ELFN1: variants seen among roughly 807,000 people sequenced by gnomAD.
The protein encoded by ELFN1 is extracellular leucine rich repeat and fibronectin type III domain containing 1, also known as protein ELFN1.
A neutral mutation model predicts 7.6 loss-of-function variants in ELFN1; 6 were observed. The ratio of observed to expected loss-of-function variants is 0.79; its 90% CI spans 0.43 to 1.56. The LOEUF is 1.56. Among genes scored for constraint, ELFN1 ranks in the 40% most tolerant of loss-of-function variants. The probability of loss-of-function intolerance (pLI) is 0.01; values close to 1 mark genes in which losing one functional copy is unlikely to be tolerated. For synonymous variants in ELFN1, 657 were observed against 588.1 expected (o/e 1.12, Z -1.70); for missense variants, 1,169 against 1,232.2 (o/e 0.95, Z 0.77).
intron 3 of ELFN1, among the ~76,000 whole-genome samples, chr7:1,719,143 CCACCAA>C (rs1452329269): frequency 2.9e-4 from 41 of 142,228 alleles, no homozygotes; most frequent in African/African-American, 1.1e-3. Context: ...AGGACCCAAG[CCACCAA>C]CAGGGCCCCG....
chr7:1,697,782 G>A (rs191531992), intron 2 of ELFN1, among the ~76,000 whole-genome samples: 1 of 152,124 alleles, frequency 6.6e-6, no homozygotes, highest in Admixed American at 6.5e-5. Flanking sequence ...TTTAAAAATT[G>A]TTTAATCGTA....
Position 1,741,133 on chromosome 7 carries a change from A to G in ELFN1, c.-293-3171A>G, listed in dbSNP as rs573849273. Among the ~76,000 whole-genome samples, 261 of 150,082 alleles carry G rather than the reference A, an allele frequency of 1.7e-3. 1 individual carries two copies. Among genetic ancestry groups the G allele is most frequent in the African/African-American group, 6.0e-3 (244 of 40,608 alleles). On this transcript the variant is annotated intron_variant, in intron 3 of 3. Transcript: ENST00000424383. ...TGACAGAGCAAGACTCTGTCTCAAA[A>G]AAAAAAAAAAAAAAAGAAGAAAGAA...
intron 3 of ELFN1, among the ~76,000 whole-genome samples, chr7:1,711,068 T>C (rs545948724): frequency 6.6e-6 from 1 of 152,210 alleles, no homozygotes; most frequent in Admixed American, 6.5e-5. Context: ...AGCCCCTACC[T>C]GGCCCTATCT....
chr7:1,733,914 T>C (rs950852912), intron 3 of ELFN1, among the ~76,000 whole-genome samples: 1 of 151,980 alleles, frequency 6.6e-6, no homozygotes, highest in Non-Finnish European at 1.5e-5. Flanking sequence ...TAGCAGGAGG[T>C]CCTGTTCTAC....
chr7:1,745,463 T>G lies in ELFN1; in HGVS notation c.867T>G (p.Cys289Trp). The change falls in exon 4 of 4, where the codon TGT (cysteine) becomes TGG (tryptophan). Residue 289 changes from cysteine (C) to tryptophan (W), a missense_variant. Cys to Trp is a radical substitution (Grantham distance 215, BLOSUM62 -2). This residue lies in a region of ELFN1 where 914 missense variants were observed against 872.6 expected (regional missense o/e 1.05). Coordinates refer to ENST00000424383, the MANE Select transcript of ELFN1 (RefSeq NM_001128636.4). ...PPPPEPSDMP[C>W]ADDECFSGDG... Reference sequence around the variant, plus strand: ...CGCCGGAGCCCAGTGACATGCCCTGTGCCGATGATGAGTGCTTCTCCGGGG... The same window carrying G: ...CGCCGGAGCCCAGTGACATGCCCTGGGCCGATGATGAGTGCTTCTCCGGGG... The G allele has an allele frequency of 6.5e-7, 1 of 1,541,542 alleles. No individual in the cohort carries two copies. Among genetic ancestry groups the G allele is most frequent in the Non-Finnish European group, 8.7e-7 (1 of 1,146,680 alleles).
chr7:1,711,585 A>C (rs1324287761), intron 3 of ELFN1, among the ~76,000 whole-genome samples: 1 of 114,218 alleles, frequency 8.8e-6, no homozygotes, highest in Non-Finnish European at 1.9e-5. Context: ...TGAGAGAGAG[A>C]GAGAGAGAGA....
chr7:1,672,713 C>G (rs1026947665), intron 1 of ELFN1, among the ~76,000 whole-genome samples: 2 of 151,994 alleles, frequency 1.3e-5, no homozygotes, highest in African/African-American at 4.8e-5. Context: ...GGTCAGAGCC[C>G]CCACCCCAGG....
chr7:1,738,168 C>A (rs921694277), intron 3 of ELFN1, among the ~76,000 whole-genome samples: 2 of 152,224 alleles, frequency 1.3e-5, no homozygotes, highest in African/African-American at 4.8e-5. Flanking sequence ...CCACCCAGAC[C>A]ACGGAGGGCG....
Position 1,745,706 on chromosome 7 carries a change from C to A in ELFN1, c.1110C>A (p.Asn370Lys). 1 of 1,551,450 alleles carries A rather than the reference C, an allele frequency of 6.4e-7. No homozygotes were observed. The highest frequency in any genetic ancestry group is 8.7e-7 in the Non-Finnish European group (1 of 1,147,008). ...TKAQEEIRLT[N>K]LFTLTNYTYC... ...CCCAGGAGGAGATCCGTCTGACCAA[C>A]CTGTTCACGCTCACCAACTACACCT... Residue 370 changes from asparagine (N) to lysine (K), a missense_variant, in exon 4 of 4, where the codon AAC becomes AAA. Coordinates refer to ENST00000424383, the MANE Select transcript of ELFN1 (RefSeq NM_001128636.4).
chr7:1,715,991 C>T (rs1017496213), intron 3 of ELFN1, among the ~76,000 whole-genome samples: 3 of 152,236 alleles, frequency 2.0e-5, no homozygotes, highest in African/African-American at 4.8e-5. Context: ...CTGTCCCAGG[C>T]CCAGGTTTAA....
intron 1 of ELFN1, among the ~76,000 whole-genome samples, chr7:1,675,365 C>G (rs1445399804): frequency 4.6e-5 from 7 of 152,234 alleles, no homozygotes; most frequent in African/African-American, 1.7e-4. Context: ...GTGCACACCC[C>G]GGCATTGCTG....
intron 1 of ELFN1, among the ~76,000 whole-genome samples, chr7:1,675,088 G>A (rs879827208): frequency 2.6e-5 from 4 of 152,196 alleles, no homozygotes; most frequent in Non-Finnish European, 5.9e-5. Context: ...ACGGGGACCC[G>A]GCAGCCCACG....
At chr7:1,688,364 G>A (rs1338029376) in intron 2 of ELFN1, among the ~76,000 whole-genome samples, 1 of 152,030 alleles carries the variant, frequency 6.6e-6, no homozygotes, top group East Asian at 1.9e-4. Context: ...TCTCCTCCAT[G>A]GTTAGCACTT....
intron 3 of ELFN1, among the ~76,000 whole-genome samples, chr7:1,737,117 C>T (rs1780470822): frequency 6.6e-6 from 1 of 152,134 alleles, no homozygotes; most frequent in African/African-American, 2.4e-5. Flanking sequence ...ACCCCCTCTC[C>T]CTGGGATGCC....
chr7:1,721,074 T>G (rs567440656), intron 3 of ELFN1, among the ~76,000 whole-genome samples: 42 of 152,346 alleles, frequency 2.8e-4, no homozygotes, highest in African/African-American at 9.9e-4. Context: ...GTGTCAGCAC[T>G]TGCAAAATTA....
chr7:1,743,805 T>C (rs1780697156), intron 3 of ELFN1, among the ~76,000 whole-genome samples: 2 of 152,156 alleles, frequency 1.3e-5, no homozygotes, highest in African/African-American at 4.8e-5. Flanking sequence ...AAGCCCCAGG[T>C]GACAGGCACC....
At chr7:1,666,480 GAAGTT>G (rs1778672986), upstream of ELFN1, among the ~76,000 whole-genome samples, 2 of 151,992 alleles carry the variant, frequency 1.3e-5, no homozygotes, top group African/African-American at 4.8e-5. The surrounding 1 kb of genome is among the most constrained non-coding windows in gnomAD (Gnocchi z 7.9). Flanking sequence ...GGGCGCACCC[GAAGTT>G]AGCGGCCGCC....
intron 1 of ELFN1, among the ~76,000 whole-genome samples, chr7:1,674,545 T>G (rs958479774): frequency 6.6e-6 from 1 of 151,920 alleles, no homozygotes; most frequent in Non-Finnish European, 1.5e-5. Context: ...GAGGCAGGCA[T>G]CCAGGCAGGA....
chr7:1,666,937 G>C (rs1356753728), upstream of ELFN1, among the ~76,000 whole-genome samples: 3 of 151,898 alleles, frequency 2.0e-5, no homozygotes, highest in Non-Finnish European at 4.4e-5. The surrounding 1 kb of genome is among the most constrained non-coding windows in gnomAD (Gnocchi z 7.9). Context: ...CTATTAATAG[G>C]CGTCGGTGAC....
Sources: allele counts gnomAD v4.1 joint callset (sites outside exome capture counted in the v4.1 genomes callset), GRCh38; gene constraint gnomAD v4.1.1; regional missense constraint gnomAD v4.1.1; non-coding constraint Gnocchi (gnomAD v3.1); transcripts MANE v1.5; gene names NCBI Gene and HGNC (gene_info 2026-07-23, HGNC 2026-07-21).